Variants in PPFIBP2 observed in about 807,000 individuals in gnomAD.
The protein encoded by PPFIBP2 is liprin-beta-2.
A neutral mutation model predicts 118.3 loss-of-function variants in PPFIBP2; 118 were observed. The ratio of observed to expected loss-of-function variants is 1.00; its 90% CI spans 0.86 to 1.16. The LOEUF is 1.16. Among genes scored for constraint, PPFIBP2 ranks in the 50% most tolerant of loss-of-function variants. The probability of loss-of-function intolerance (pLI) is 0.00; values close to 1 mark genes in which losing one functional copy is unlikely to be tolerated. For missense variants in PPFIBP2, 1,195 were observed against 1,073.1 expected, an observed-to-expected ratio of 1.11 and a Z score of -1.59; for synonymous variants, 414 against 397.4, an observed-to-expected ratio of 1.04 and a Z score of -0.50.
the PPFIBP2 span, chr11:7,665,152 A>G: frequency 2.3e-6 from 1 of 442,020 alleles, no homozygotes; most frequent in Admixed American, 4.0e-5. Context: ...AAGATACTGA[A>G]ATGGAGCTCT....
rs116774507 is a variant in PPFIBP2, at chr11:7,531,966, G to A, written c.-36-17474G>A. Among the ~76,000 whole-genome samples the A allele has an allele frequency of 4.7e-3, 716 of 152,240 alleles. 5 individuals are homozygous for A. Among genetic ancestry groups the A allele is most frequent in the African/African-American group, 0.016 (666 of 41,542 alleles). On this transcript the variant is annotated intron_variant, in intron 1 of 23. Transcript: ENST00000299492. ...ATCTCCTGCTTCAACCTCCTGAGGA[G>A]CTGGGATTATAGGCATGTACTACCA...
chr11:7,535,146 C>T (rs1219954632), intron 1 of PPFIBP2, among the ~76,000 whole-genome samples: 2 of 152,228 alleles, frequency 1.3e-5, no homozygotes, highest in African/African-American at 4.8e-5. Flanking sequence ...TTAGTATCCT[C>T]CCATTGGGTC....
intron 18 of PPFIBP2, 23 bp downstream of exon 18, chr11:7,648,560 G>A: frequency 6.2e-7 from 1 of 1,611,086 alleles, no homozygotes; most frequent in Non-Finnish European, 8.5e-7. Context: ...CTTGGGGAGA[G>A]GAGGCTCCCA....
At chr11:7,548,492 T>C (rs1852578626) in intron 1 of PPFIBP2, 1 of 152,320 alleles carries the variant, frequency 6.6e-6, no homozygotes, top group Admixed American at 6.5e-5. Context: ...CTCCTCCAGT[T>C]TACAGACGTG....
intron 3 of PPFIBP2, among the ~76,000 whole-genome samples, chr11:7,573,165 C>A (rs999161494): frequency 6.6e-6 from 1 of 152,154 alleles, no homozygotes; most frequent in Non-Finnish European, 1.5e-5. Context: ...CACCTGGGAG[C>A]TTGTCAGCAG....
At chr11:7,666,533 C>T in the PPFIBP2 span, 3 of 1,613,122 alleles carry the variant, frequency 1.9e-6, no homozygotes, top group Non-Finnish European at 1.7e-6. Context: ...CTTTTCTGAC[C>T]AAGATATCCT....
intron 3 of PPFIBP2, chr11:7,577,683 AG>A (rs1402363759): frequency 9.1e-6 from 4 of 441,868 alleles, no homozygotes; most frequent in Non-Finnish European, 1.8e-5. Context: ...GAGATAAGTG[AG>A]GGGGAGACGC....
At chr11:7,519,193 T>C (rs1457989636) in intron 1 of PPFIBP2, among the ~76,000 whole-genome samples, 1 of 151,914 alleles carries the variant, frequency 6.6e-6, no homozygotes, top group Admixed American at 6.6e-5. Flanking sequence ...AGAGGAGGCT[T>C]GCGGGGTTAA....
chr11:7,598,009 T>C, intron 5 of PPFIBP2: 1 of 217,640 alleles, frequency 4.6e-6, no homozygotes, highest in Non-Finnish European at 9.2e-6. Context: ...TCTGGAGTTT[T>C]AGAAAGTCAA....
intron 3 of PPFIBP2, among the ~76,000 whole-genome samples, chr11:7,569,361 C>T (rs1321365648): frequency 6.6e-6 from 1 of 152,150 alleles, no homozygotes; most frequent in East Asian, 1.9e-4. Flanking sequence ...GCAGACCTGC[C>T]CAGGAGTCAG....
At chr11:7,665,484 C>T in the PPFIBP2 span, 3 of 1,613,954 alleles carry the variant, frequency 1.9e-6, no homozygotes, top group Middle Eastern at 1.7e-4. Context: ...GTGGACTTCG[C>T]TGGAGGAGGA....
chr11:7,640,353 G>A (rs1852006185), intron 15 of PPFIBP2, among the ~76,000 whole-genome samples: 1 of 152,172 alleles, frequency 6.6e-6, no homozygotes, highest in Admixed American at 6.5e-5. Context: ...ATTTCCTTAG[G>A]CAAATGAAGT....
At position 7,641,115 on chromosome 11, in the gene PPFIBP2, C is replaced by T. The variant is rs1314070464; in HGVS notation, c.1376-364C>T. Reference sequence around the variant, plus strand: ...TGGAGAGTGAGAATGCCTTTGTTTCCCTACCCTAACCCTCCCCTTCACCAG... The same window carrying T: ...TGGAGAGTGAGAATGCCTTTGTTTCTCTACCCTAACCCTCCCCTTCACCAG... On this transcript the variant is annotated intron_variant, in intron 15 of 23. Transcript: ENST00000299492. The T allele has an allele frequency of 2.5e-6, 3 of 1,220,352 alleles. No individual in the cohort carries two copies. In the Admixed American group the frequency reaches 6.9e-5, roughly 28 times the overall value. The allele number at this position is 1,220,352 out of a possible 1,614,324, so 75.6% of individuals were successfully genotyped here.
At chr11:7,532,624 C>T (rs948914633) in intron 1 of PPFIBP2, among the ~76,000 whole-genome samples, 9 of 152,216 alleles carry the variant, frequency 5.9e-5, no homozygotes, top group Non-Finnish European at 1.2e-4. Context: ...ATCTGGCTCC[C>T]GTGTGGCCCT....
rs556572239 is a variant in PPFIBP2, at chr11:7,639,794, G to T, written c.1299G>T (p.Thr433=). ...PTLPGKLSGA[T]PNGEAAKSPP... The stretch of plus-strand genomic sequence containing the variant: ...TACCTGGGAAGCTTTCAGGAGCCAC[G>T]CCCAATGGAGAGGCTGCCAAATCTC... Residue 433 remains threonine (T), a synonymous_variant, in exon 15 of 24, where the codon ACG becomes ACT. Coordinates refer to ENST00000299492, the MANE Select transcript of PPFIBP2 (RefSeq NM_003621.5). The T allele has an allele frequency of 5.0e-6, 8 of 1,614,110 alleles. No individual in the cohort carries two copies. In the South Asian group the frequency reaches 7.7e-5, roughly 16 times the overall value.
chr11:7,543,141 T>C (rs1412215921), intron 1 of PPFIBP2, among the ~76,000 whole-genome samples: 1 of 152,218 alleles, frequency 6.6e-6, no homozygotes, highest in East Asian at 1.9e-4. Flanking sequence ...CTTTGTCCTT[T>C]TTATTTTTGG....
chr11:7,597,108 A>G, intron 4 of PPFIBP2: 5 of 1,329,760 alleles, frequency 3.8e-6, no homozygotes, highest in Non-Finnish European at 4.9e-6. Flanking sequence ...CTGATAGGTG[A>G]GCAGTCCTCA....
At chr11:7,547,390 C>T (rs1852440105) in intron 1 of PPFIBP2, among the ~76,000 whole-genome samples, 1 of 152,080 alleles carries the variant, frequency 6.6e-6, no homozygotes, top group Admixed American at 6.5e-5. Flanking sequence ...CTGGCCTGAT[C>T]CTGAAACCTG....
chr11:7,584,515 G>A (rs1255142751), intron 3 of PPFIBP2, among the ~76,000 whole-genome samples: 1 of 152,130 alleles, frequency 6.6e-6, no homozygotes, highest in Non-Finnish European at 1.5e-5. Context: ...TGGTAGATTG[G>A]CTTGACCGTT....
Sources: gnomAD v4.1 joint callset for allele counts (sites outside exome capture counted in the v4.1 genomes callset) on GRCh38, gnomAD v4.1.1 for gene constraint, MANE v1.5 for transcripts, NCBI Gene and HGNC (gene_info 2026-07-23, HGNC 2026-07-21) for gene names.